The following KGD4 variants were observed in gnomAD, a reference collection of about 807,000 sequenced individuals.
The protein encoded by KGD4 is alpha-ketoglutarate dehydrogenase component 4.
At chr5:69,220,331 A>G in the KGD4 span, among the ~76,000 whole-genome samples, 2 of 152,216 alleles carry the variant, frequency 1.3e-5, no homozygotes, top group East Asian at 3.9e-4. Context: ...ACTGATAGGA[A>G]GTCACAAAGC....
chr5:69,217,789 C>A, the KGD4 span: 1 of 1,612,684 alleles, frequency 6.2e-7, no homozygotes. Flanking sequence ...GTGATCGCCG[C>A]GGCTCGCTCG....
At chr5:69,223,298 C>G in the KGD4 span, among the ~76,000 whole-genome samples, 3 of 151,722 alleles carry the variant, frequency 2.0e-5, no homozygotes, top group African/African-American at 7.2e-5. Flanking sequence ...CCAGAATGGT[C>G]TCGATCTCCT....
the KGD4 span, chr5:69,229,371 G>C: frequency 1.6e-6 from 1 of 612,104 alleles, no homozygotes; most frequent in East Asian, 3.0e-5. Flanking sequence ...ATGGACACTT[G>C]TATTTCCTAA....
At chr5:69,218,876 A>G in the KGD4 span, among the ~76,000 whole-genome samples, 91,422 of 151,966 alleles carry the variant, frequency 0.6, 28,018 homozygotes, top group African/African-American at 0.72. Flanking sequence ...CTTATTCAGT[A>G]GGTAGTTACT....
At chr5:69,225,634 G>A in the KGD4 span, among the ~76,000 whole-genome samples, 4 of 143,286 alleles carry the variant, frequency 2.8e-5, no homozygotes, top group Non-Finnish European at 6.0e-5. Context: ...GCAGTGGCAC[G>A]ATCTCAGCTC....
the KGD4 span, among the ~76,000 whole-genome samples, chr5:69,223,058 G>A: frequency 1.4e-5 from 2 of 145,212 alleles, no homozygotes; most frequent in East Asian, 4.0e-4. Context: ...TGACAGGCGT[G>A]AGTCACGGTG....
the KGD4 span, among the ~76,000 whole-genome samples, chr5:69,225,963 T>C: frequency 6.6e-6 from 1 of 152,194 alleles, no homozygotes; most frequent in Admixed American, 6.5e-5. Context: ...ACTCCTGCAC[T>C]CACGCAATCT....
the KGD4 span, chr5:69,228,457 G>A: frequency 1.2e-5 from 17 of 1,436,964 alleles, no homozygotes; most frequent in East Asian, 4.0e-4. Flanking sequence ...GATTTCATTT[G>A]CTGATTTACA....
the KGD4 span, among the ~76,000 whole-genome samples, chr5:69,221,611 A>T: frequency 6.6e-6 from 1 of 152,190 alleles, no homozygotes; most frequent in South Asian, 2.1e-4. Context: ...ACAAACATTA[A>T]CTCAAAATGG....
At chr5:69,223,695 C>G in the KGD4 span, among the ~76,000 whole-genome samples, 1 of 152,020 alleles carries the variant, frequency 6.6e-6, no homozygotes, top group Non-Finnish European at 1.5e-5. Flanking sequence ...TCCTCTGTAC[C>G]ACTATCTGGA....
the KGD4 span, among the ~76,000 whole-genome samples, chr5:69,225,029 G>C: frequency 6.7e-6 from 1 of 149,590 alleles, no homozygotes. Context: ...AGCTGAGATC[G>C]TGCCGCTGCA....
chr5:69,220,192 A>G, the KGD4 span, among the ~76,000 whole-genome samples: 6 of 152,010 alleles, frequency 3.9e-5, no homozygotes, highest in African/African-American at 1.4e-4. Context: ...ATGCCACTGC[A>G]TTCCAGCCTG....
chr5:69,219,069 C>T, the KGD4 span, among the ~76,000 whole-genome samples: 1 of 152,210 alleles, frequency 6.6e-6, no homozygotes, highest in East Asian at 1.9e-4. Context: ...AATATCATTA[C>T]TTGCCAGGAA....
At chr5:69,228,175 A>C in the KGD4 span, 17 of 1,412,774 alleles carry the variant, frequency 1.2e-5, no homozygotes, top group Non-Finnish European at 1.5e-5. Context: ...TTCTCTAATA[A>C]GGTCTTTTTT....
At chr5:69,221,158 G>A in the KGD4 span, among the ~76,000 whole-genome samples, 2 of 149,216 alleles carry the variant, frequency 1.3e-5, no homozygotes, top group African/African-American at 5.0e-5. Context: ...CCCCCTCTCC[G>A]AGAAACACCC....
the KGD4 span, among the ~76,000 whole-genome samples, chr5:69,224,850 G>A: frequency 1.3e-5 from 2 of 151,952 alleles, no homozygotes; most frequent in East Asian, 2.0e-4. Flanking sequence ...CAAGGTGGGC[G>A]GATCATGAGG....
the KGD4 span, among the ~76,000 whole-genome samples, chr5:69,218,344 G>A: frequency 3.3e-5 from 5 of 152,232 alleles, no homozygotes; most frequent in East Asian, 9.6e-4. Flanking sequence ...TCGGGCAACT[G>A]GCCCCGCGTA....
chr5:69,223,620 C>T, the KGD4 span, among the ~76,000 whole-genome samples: 1 of 90,476 alleles, frequency 1.1e-5, no homozygotes, highest in Non-Finnish European at 2.4e-5. Flanking sequence ...GAAAATAGTA[C>T]TTTGTTCATT....
chr5:69,225,633 C>T, the KGD4 span, among the ~76,000 whole-genome samples: 6 of 146,770 alleles, frequency 4.1e-5, no homozygotes, highest in East Asian at 2.1e-4. Flanking sequence ...TGCAGTGGCA[C>T]GATCTCAGCT....
Sources: gnomAD v4.1 joint callset for allele counts (sites outside exome capture counted in the v4.1 genomes callset) on GRCh38, gnomAD v4.1.1 for gene constraint, MANE v1.5 for transcripts, NCBI Gene and HGNC (gene_info 2026-07-23, HGNC 2026-07-21) for gene names.